The following SORBS2 variants were observed in gnomAD, a reference collection of about 807,000 sequenced individuals.
The protein encoded by SORBS2 is sorbin and SH3 domain containing 2.
A neutral mutation model predicts 97.7 loss-of-function variants in SORBS2; 46 were observed. That is an observed-to-expected ratio of 0.47 (90% CI 0.37 to 0.60). The LOEUF is 0.60. SORBS2 is among the 20% of genes least tolerant of loss of function. The pLI, the probability that SORBS2 is intolerant of heterozygous loss-of-function variation, is 0.00. For missense variants in SORBS2, 1,316 were observed against 1,282.3 expected, an observed-to-expected ratio of 1.03 and a Z score of -0.40; for synonymous variants, 476 against 473.4, an observed-to-expected ratio of 1.01 and a Z score of -0.07.
chr4:185,926,984 C>G (rs2099264019), intron 1 of SORBS2, among the ~76,000 whole-genome samples: 1 of 151,730 alleles, frequency 6.6e-6, no homozygotes, highest in African/African-American at 2.4e-5. Flanking sequence ...TTTTACGGTT[C>G]TTTACTTTCC....
intron 1 of SORBS2, among the ~76,000 whole-genome samples, chr4:185,805,651 A>G (rs567371622): frequency 6.6e-6 from 1 of 152,332 alleles, no homozygotes; most frequent in African/African-American, 2.4e-5. Flanking sequence ...ACACCGGTCT[A>G]TTCACACTGT....
At chr4:185,715,242 A>G (rs2098456287) in intron 2 of SORBS2, among the ~76,000 whole-genome samples, 1 of 152,222 alleles carries the variant, frequency 6.6e-6, no homozygotes, top group East Asian at 1.9e-4. Flanking sequence ...TGTAACAGGC[A>G]TAAAATGGGA....
chr4:185,908,303 A>ATTTG (rs1201614339), intron 1 of SORBS2, among the ~76,000 whole-genome samples: 19 of 102,172 alleles, frequency 1.9e-4, no homozygotes, highest in African/African-American at 5.2e-4. Flanking sequence ...ATATATATAT[A>ATTTG]TATATATATA....
intron 1 of SORBS2, among the ~76,000 whole-genome samples, chr4:185,874,942 ACT>A (rs1344562483): frequency 6.7e-6 from 1 of 149,212 alleles, no homozygotes; most frequent in Non-Finnish European, 1.5e-5. Flanking sequence ...AAAAATCCGG[ACT>A]CTTTTTATTT....
At chr4:185,647,766 C>G (rs560736414) in intron 3 of SORBS2, among the ~76,000 whole-genome samples, 70 of 152,304 alleles carry the variant, frequency 4.6e-4, no homozygotes, top group Admixed American at 1.6e-3. Flanking sequence ...GTGTAAAACA[C>G]AGACAGCAAT....
chr4:185,691,968 C>T (rs1041194086), intron 2 of SORBS2, among the ~76,000 whole-genome samples: 2 of 152,200 alleles, frequency 1.3e-5, no homozygotes, highest in African/African-American at 4.8e-5. Flanking sequence ...AGGATGGCTA[C>T]GATCTCCTGA....
chr4:185,732,026 C>G (rs2098644642), intron 2 of SORBS2, among the ~76,000 whole-genome samples: 1 of 151,478 alleles, frequency 6.6e-6, no homozygotes, highest in African/African-American at 2.4e-5. Context: ...AATCTGATGT[C>G]TGTGCTCCAA....
chr4:185,770,974 CCTTT>C (rs1361001586), intron 2 of SORBS2: 1 of 79,720 alleles, frequency 1.3e-5, no homozygotes, highest in African/African-American at 4.5e-5. Flanking sequence ...TTCATCGTTT[CCTTT>C]TTTTTTTTTT....
chr4:185,704,996 TA>T (rs1424558626), intron 2 of SORBS2, among the ~76,000 whole-genome samples: 1 of 152,078 alleles, frequency 6.6e-6, no homozygotes, highest in African/African-American at 2.4e-5. Flanking sequence ...GTCACACAGG[TA>T]GGGGCAGCAT....
rs756846516 is a variant in SORBS2, at chr4:185,593,930, C to A, written c.2802G>T (p.Gln934His). Residue 934 changes from glutamine (Q) to histidine (H), a missense_variant, in exon 13 of 15, where the codon CAG (glutamine) becomes CAT (histidine). By Grantham distance (24) the Gln-to-His change is conservative. Transcript: ENST00000418609. ...TATTTTCATGAGTAAACACAGGACG[C>A]TGTGGCTGAAATGAAATGATTTTCA... is the stretch of plus-strand genomic sequence containing the variant. The A allele has an allele frequency of 3.7e-6, 6 of 1,602,796 alleles. No homozygotes were observed. The Admixed American group carries it at 5.0e-5, about 13-fold the overall frequency.
intron 11 of SORBS2, 86 bp from the exon 24 acceptor site, chr4:185,612,066 G>A: frequency 9.3e-7 from 1 of 1,078,144 alleles, no homozygotes; most frequent in Non-Finnish European, 1.3e-6. Context: ...TGAAAAAATA[G>A]GTTTCCATTT....
chr4:185,862,969 G>T (rs2149715399), intron 1 of SORBS2, among the ~76,000 whole-genome samples: 1 of 152,296 alleles, frequency 6.6e-6, no homozygotes, highest in East Asian at 1.9e-4. Flanking sequence ...CTGCTCACGG[G>T]TCTAGTGCCT....
intron 1 of SORBS2, among the ~76,000 whole-genome samples, chr4:185,939,919 C>T (rs1276118866): frequency 6.6e-6 from 1 of 152,214 alleles, no homozygotes; most frequent in African/African-American, 2.4e-5. Flanking sequence ...CAACACTCTC[C>T]ACCTTGTCAA....
At chr4:185,608,399 A>T (rs1453852615) in intron 12 of SORBS2, among the ~76,000 whole-genome samples, 1 of 152,186 alleles carries the variant, frequency 6.6e-6, no homozygotes, top group Admixed American at 6.5e-5. Flanking sequence ...AGCTCATTTG[A>T]TGCTAACGGG....
At chr4:185,829,059 C>T (rs937942347) in intron 1 of SORBS2, among the ~76,000 whole-genome samples, 6 of 152,150 alleles carry the variant, frequency 3.9e-5, no homozygotes, top group African/African-American at 1.4e-4. Context: ...GCTCAGTTTC[C>T]AAAACTTGTT....
intron 1 of SORBS2, among the ~76,000 whole-genome samples, chr4:185,841,819 G>C (rs2099211724): frequency 6.6e-6 from 1 of 152,146 alleles, no homozygotes; most frequent in Non-Finnish European, 1.5e-5. Flanking sequence ...CCAGTTCTCT[G>C]TACTAAATTC....
intron 14 of SORBS2, among the ~76,000 whole-genome samples, chr4:185,588,654 G>C (rs907813147): frequency 2.7e-5 from 3 of 109,402 alleles, no homozygotes; most frequent in Non-Finnish European, 5.8e-5. Flanking sequence ...CGCTCTTGTC[G>C]CCCAGGCTGG....
At chr4:185,649,326 T>C in intron 3 of SORBS2, 141 bp downstream of exon 12, 4 of 611,724 alleles carry the variant, frequency 6.5e-6, no homozygotes, top group Non-Finnish European at 1.0e-5. Context: ...GCAGAGGAGG[T>C]CAATATGGTA....
intron 2 of SORBS2, among the ~76,000 whole-genome samples, chr4:185,698,912 C>T (rs10014999): frequency 0.14 from 20,559 of 151,774 alleles, 3,031 homozygotes; most frequent in African/African-American, 0.35. Context: ...GTAAGTATAT[C>T]TATTTTAAAT....
Sources: gnomAD v4.1 joint callset for allele counts (sites outside exome capture counted in the v4.1 genomes callset) on GRCh38, gnomAD v4.1.1 for gene constraint, MANE v1.5 for transcripts, NCBI Gene and HGNC (gene_info 2026-07-23, HGNC 2026-07-21) for gene names.